Variants in CCDC18 observed in about 807,000 individuals in gnomAD.
CCDC18 encodes coiled-coil domain-containing protein 18.
In CCDC18, 157 loss-of-function variants were observed where a neutral mutation model predicts 196.0. That is an observed-to-expected ratio of 0.80 (90% CI 0.70 to 0.91). The LOEUF (loss-of-function observed/expected upper bound fraction) is 0.91, where lower values mean the gene tolerates loss of function less well. CCDC18 is among the 40% of genes least tolerant of loss of function. The pLI is 0.00. For missense variants in CCDC18, 1,465 were observed against 1,611.6 expected, an observed-to-expected ratio of 0.91 and a Z score of 1.56; for synonymous variants, 482 against 529.2, an observed-to-expected ratio of 0.91 and a Z score of 1.22.
intron 27 of CCDC18, among the ~76,000 whole-genome samples, chr1:93,266,041 G>T (rs1221994050): frequency 1.3e-5 from 2 of 152,150 alleles, no homozygotes; most frequent in African/African-American, 4.8e-5. Flanking sequence ...CACATAGTTG[G>T]AAATAAAGCA....
chr1:93,217,698 C>G (rs781517105), intron 13 of CCDC18, 40 bp from the exon 14 acceptor site: 4 of 1,544,040 alleles, frequency 2.6e-6, no homozygotes, highest in South Asian at 1.2e-5. Context: ...CTTGGCCTCC[C>G]AAATCAATTA....
intron 17 of CCDC18, 77 bp from the exon 18 acceptor site, chr1:93,232,349 A>G (rs961803159): frequency 2.4e-6 from 2 of 829,178 alleles, no homozygotes; most frequent in Admixed American, 5.0e-5. Context: ...TCTAATAAGG[A>G]GGACAGCTTT....
intron 21 of CCDC18, among the ~76,000 whole-genome samples, chr1:93,241,723 C>CA (rs35810581): frequency 0.24 from 14,169 of 59,510 alleles, 2,375 homozygotes; most frequent in African/African-American, 0.27. Context: ...GACTCCATCT[C>CA]AAAAAAAAAA....
chr1:93,217,639 G>T, intron 13 of CCDC18, 99 bp from the exon 14 acceptor site: 2 of 957,826 alleles, frequency 2.1e-6, no homozygotes, highest in Admixed American at 5.4e-5. Flanking sequence ...GGGTCTTGCC[G>T]TGTTTCCCAG....
chr1:93,224,291 A>C (rs933016405), intron 16 of CCDC18, among the ~76,000 whole-genome samples: 1 of 152,150 alleles, frequency 6.6e-6, no homozygotes, highest in Non-Finnish European at 1.5e-5. Context: ...TACGGATGTC[A>C]TAATACTTTA....
intron 16 of CCDC18, among the ~76,000 whole-genome samples, chr1:93,225,974 A>G (rs980974518): frequency 2.0e-5 from 3 of 152,132 alleles, no homozygotes; most frequent in Non-Finnish European, 4.4e-5. Context: ...TGGCTCCCAA[A>G]TAACCATTTC....
rs1027749551 is a variant in CCDC18, at chr1:93,239,796, AC to A, written c.2882del (p.Thr961IlefsTer2). ...LQNAHGELKS[T>X]LRQLQELRDV... is the part of the protein sequence containing the mutation. ...AAATGCTCATGGAGAATTAAAAAGT[AC>A]TTTAAGACAACTCCAGGAATTGAGA... On this transcript the variant is annotated frameshift_variant, in exon 21 of 29. Transcript: ENST00000690025. LOFTEE classifies it high-confidence loss of function. 1.2e-6 allele frequency: 2 copies of A among 1,613,310 alleles called. No homozygotes were observed. The highest frequency in any genetic ancestry group is 1.3e-5 in the African/African-American group (1 of 74,906).
chr1:93,224,469 C>T (rs892432515), intron 16 of CCDC18, among the ~76,000 whole-genome samples: 5 of 152,212 alleles, frequency 3.3e-5, no homozygotes, highest in Non-Finnish European at 7.3e-5. Flanking sequence ...AGCCTTGCTA[C>T]TCAAAGCATG....
intron 4 of CCDC18, chr1:93,191,084 G>T: frequency 1.7e-6 from 1 of 574,662 alleles, no homozygotes; most frequent in African/African-American, 2.6e-5. Context: ...CTATCAGCAA[G>T]GAGATTTTTT....
chr1:93,207,457 G>C, intron 9 of CCDC18, 59 bp downstream of exon 9: 2 of 1,284,902 alleles, frequency 1.6e-6, no homozygotes, highest in African/African-American at 1.5e-5. Flanking sequence ...TTTTAGAAAA[G>C]ACTATCATTT....
At chr1:93,245,329 C>T (rs968322190) in intron 21 of CCDC18, among the ~76,000 whole-genome samples, 1 of 151,948 alleles carries the variant, frequency 6.6e-6, no homozygotes, top group African/African-American at 2.4e-5. Context: ...TGTTATATAC[C>T]TCTTGAGACT....
chr1:93,205,712 G>A (rs1316425487), intron 8 of CCDC18, 81 bp downstream of exon 8: 5 of 1,284,282 alleles, frequency 3.9e-6, no homozygotes, highest in Non-Finnish European at 5.5e-6. Flanking sequence ...ATATTTTATT[G>A]TTGTAATTAT....
chr1:93,256,401 TTGAGG>T lies in CCDC18; in HGVS notation c.3410_3414del (p.Leu1137SerfsTer32), dbSNP rs1449702809. The stretch of plus-strand genomic sequence containing the variant: ...GGAGGCCATAGATTTGGGGCAAGAA[TTGAGG>T]CTGACCCGGGAGCAGGTGCAGAACT... On this transcript the variant is annotated frameshift_variant, in exon 25 of 29. Transcript: ENST00000690025. LOFTEE classifies it high-confidence loss of function. 8 of 1,613,984 alleles carry T rather than the reference TTGAGG, an allele frequency of 5.0e-6. No individual in the cohort carries two copies. The Admixed American group carries it at 1.2e-4, about 24-fold the overall frequency.
intron 4 of CCDC18, among the ~76,000 whole-genome samples, chr1:93,186,784 T>C (rs1353734812): frequency 6.6e-6 from 1 of 152,046 alleles, no homozygotes; most frequent in East Asian, 1.9e-4. Context: ...AAAGGAAGTA[T>C]AACTTACTTA....
rs34139452 is a variant in CCDC18 at position 93,254,941 on chromosome 1, C to CTTTTTTT, written c.3342+350_3342+356dup. Among the ~76,000 whole-genome samples, 22 of 44,292 alleles carry CTTTTTTT rather than the reference C, an allele frequency of 5.0e-4. 4 individuals are homozygous for CTTTTTTT. Among genetic ancestry groups the CTTTTTTT allele is most frequent in the East Asian group, 1.8e-3 (2 of 1,082 alleles). 29.1% of individuals were successfully genotyped at this position (44,292 alleles called of 152,430 possible). A position where few individuals can be genotyped will look rare whatever the true frequency, so the allele number is the denominator to read the frequency against. Reference sequence around the variant, plus strand: ...CTATGTAATAGAATTGAGGAGTCAGCTTTTTTTTTTTTTTTTTTTTTTTTT... The same window carrying CTTTTTTT: ...CTATGTAATAGAATTGAGGAGTCAGCTTTTTTTTTTTTTTTTTTTTTTTTTTTTTTTT... On this transcript the variant is annotated intron_variant, in intron 24 of 28. Coordinates refer to ENST00000690025, the MANE Select transcript of CCDC18 (RefSeq NM_001378204.1).
intron 9 of CCDC18, among the ~76,000 whole-genome samples, chr1:93,208,072 C>T (rs1204578765): frequency 3.9e-5 from 6 of 152,178 alleles, no homozygotes; most frequent in South Asian, 2.1e-4. Flanking sequence ...AATAATGCTG[C>T]TATGAACGTT....
intron 28 of CCDC18, among the ~76,000 whole-genome samples, chr1:93,275,468 C>T (rs12085959): frequency 0.17 from 26,317 of 152,146 alleles, 2,513 homozygotes; most frequent in African/African-American, 0.22. Context: ...TTCAGGTCCT[C>T]GGCTTATTTC....
rs1036256866 is a variant in CCDC18 at position 93,246,901 on chromosome 1, T to A, written c.3145T>A (p.Leu1049Ile). ...RGEMEQKIIKLEGTLEKSELE... is the reference protein window; with the variant it reads ...RGEMEQKIIKIEGTLEKSELE... ...AGAAATGGAACAAAAAATAATTAAA[T>A]TAGAAGGTACTCTGGAGAAATCAGA... Residue 1049 changes from leucine to isoleucine, a missense_variant, in exon 23 of 29, where the codon TTA (leucine) becomes ATA (isoleucine). By Grantham distance (5) the Leu-to-Ile change is conservative. Transcript: ENST00000690025. The A allele has an allele frequency of 6.5e-7, 1 of 1,540,716 alleles. No homozygotes were observed. The highest frequency in any genetic ancestry group is 1.4e-5 in the African/African-American group (1 of 72,050).
At chr1:93,191,898 G>C (rs1441009301) in intron 4 of CCDC18, 102 bp from the exon 5 acceptor site, 5 of 688,592 alleles carry the variant, frequency 7.3e-6, no homozygotes, top group Middle Eastern at 3.2e-4. Flanking sequence ...CCAATGATTT[G>C]GGAGCCCTAT....
Sources: gnomAD v4.1 joint callset for allele counts (sites outside exome capture counted in the v4.1 genomes callset) on GRCh38, gnomAD v4.1.1 for gene constraint, MANE v1.5 for transcripts, NCBI Gene and HGNC (gene_info 2026-07-23, HGNC 2026-07-21) for gene names.